The following PDE11A variants were observed in gnomAD, a reference collection of about 807,000 sequenced individuals.
PDE11A encodes the protein phosphodiesterase 11A.
PDE11A carries 100 observed loss-of-function variants against 100.5 expected under a neutral mutation model. The observed-to-expected ratio is 1.00, with a 90% CI of 0.85 to 1.18. The LOEUF is 1.18. PDE11A is among the 50% of genes most tolerant of loss of function. The pLI, the probability that PDE11A is intolerant of heterozygous loss-of-function variation, is 0.00. For missense variants in PDE11A, 1,141 were observed against 1,152.6 expected (o/e 0.99, Z 0.15); for synonymous variants, 381 against 420.8 (o/e 0.91, Z 1.16).
At chr2:177,870,096 C>CAA (rs2084104628) in intron 5 of PDE11A, among the ~76,000 whole-genome samples, 1 of 152,164 alleles carries the variant, frequency 6.6e-6, no homozygotes, top group Non-Finnish European at 1.5e-5. Flanking sequence ...CTCCTGCCTT[C>CAA]AGTTGCATAA....
chr2:177,823,834 C>T (rs772240259), intron 6 of PDE11A, among the ~76,000 whole-genome samples: 1 of 152,112 alleles, frequency 6.6e-6, no homozygotes, highest in Non-Finnish European at 1.5e-5. Flanking sequence ...ATTGTACAGA[C>T]CATTGGGTTT....
In PDE11A at chr2:177,898,156, C is replaced by G; in HGVS notation, c.1204G>C (p.Asp402His). Residue 402 changes from aspartate to histidine, a missense_variant, in exon 4 of 20, where the codon GAC (aspartate) becomes CAC (histidine). Asp to His is a moderately conservative substitution (Grantham distance 81). Transcript: ENST00000286063. ...ATTTTCTTGACAATTTTCTCCAGGT[C>G]AGTCTGTTCTTCAAAGAGGTCATTA... ...VVNDLFEEQT[D>H]LEKIVKKIMH... 6.2e-7 allele frequency: 1 copy of G among 1,609,194 alleles called. No homozygotes were observed. The highest frequency in any genetic ancestry group is 8.5e-7 in the Non-Finnish European group (1 of 1,175,546).
chr2:177,943,468 C>A (rs1350770454), intron 2 of PDE11A, among the ~76,000 whole-genome samples: 1 of 152,114 alleles, frequency 6.6e-6, no homozygotes, highest in Non-Finnish European at 1.5e-5. Context: ...ATTTTCATTC[C>A]TTTAATGATA....
At chr2:177,659,790 T>C (rs79798374) in intron 19 of PDE11A, among the ~76,000 whole-genome samples, 98,049 of 145,616 alleles carry the variant, frequency 0.67, 33,912 homozygotes, top group Admixed American at 0.77. Flanking sequence ...CTTTTTTTTT[T>C]TCCCCCTCCA....
intron 10 of PDE11A, among the ~76,000 whole-genome samples, chr2:177,765,945 A>G (rs2082232856): frequency 6.6e-6 from 1 of 152,224 alleles, no homozygotes; most frequent in Non-Finnish European, 1.5e-5. Context: ...TTACGTATGT[A>G]AAATTTGACC....
intron 1 of PDE11A, among the ~76,000 whole-genome samples, chr2:178,035,781 T>TGATTATCTCAATA (rs2086606110): frequency 6.6e-6 from 1 of 152,128 alleles, no homozygotes; most frequent in South Asian, 2.1e-4. Context: ...AAAAACCACA[T>TGATTATCTCAATA]GATTATCTCA....
intron 16 of PDE11A, among the ~76,000 whole-genome samples, chr2:177,676,418 C>T (rs1239857296): frequency 6.6e-6 from 1 of 152,200 alleles, no homozygotes; most frequent in Non-Finnish European, 1.5e-5. Context: ...GGGTATGCAA[C>T]CAAAGGTCAG....
rs1402208985 is a variant in PDE11A at position 177,623,615 on chromosome 2, TCTAAA to T, written c.*5787_*5791del. 6.6e-6 allele frequency: 1 copy of T among 152,224 alleles called. No homozygotes were observed. Among genetic ancestry groups the T allele is most frequent in the Admixed American group, 6.5e-5 (1 of 15,290 alleles). The allele number at this position is 152,224 out of a possible 1,614,324, so 9.4% of individuals were successfully genotyped here. ...AAAATTTCATCTAAATATGTCTTAA[TCTAAA>T]CTAGAGTAAAAGAAAAATTGAGATT... is the stretch of plus-strand genomic sequence containing the variant. On this transcript the variant is annotated 3_prime_UTR_variant, in exon 20 of 20. Transcript: ENST00000286063.
At chr2:178,018,423 TG>T in intron 1 of PDE11A, 3 of 513,918 alleles carry the variant, frequency 5.8e-6, no homozygotes, top group South Asian at 2.9e-5. Context: ...ACTATCATGA[TG>T]GGGGCATCTG....
Position 177,624,535 on chromosome 2 carries a change from G to T in PDE11A, c.*4872C>A, listed in dbSNP as rs1327030808. 1 of 152,068 alleles carries T rather than the reference G, an allele frequency of 6.6e-6. No homozygotes were observed. The highest frequency in any genetic ancestry group is 6.5e-5 in the Admixed American group (1 of 15,270). 9.4% of individuals were successfully genotyped at this position (152,068 alleles called of 1,614,324 possible). A position where few individuals can be genotyped will look rare whatever the true frequency, so the allele number is the denominator to read the frequency against. ...ACACAGAAAAAGCAACTGGATTCTG[G>T]CAGCATTAATATTAGATAATATTGT... On this transcript the variant is annotated 3_prime_UTR_variant, in exon 20 of 20. Transcript: ENST00000286063.
chr2:177,794,563 A>G (rs75101610), intron 9 of PDE11A, among the ~76,000 whole-genome samples: 2,844 of 152,230 alleles, frequency 0.019, 54 homozygotes, highest in South Asian at 0.048. Flanking sequence ...CCTCCTTTTC[A>G]AAGAGATAAA....
intron 15 of PDE11A, among the ~76,000 whole-genome samples, chr2:177,682,417 T>C (rs2080879279): frequency 1.3e-5 from 2 of 152,236 alleles, no homozygotes; most frequent in African/African-American, 4.8e-5. Flanking sequence ...CTCAGCAAAA[T>C]AAACTTCTAA....
chr2:177,880,902 C>T (rs2084322038), intron 4 of PDE11A, among the ~76,000 whole-genome samples: 2 of 152,184 alleles, frequency 1.3e-5, no homozygotes, highest in East Asian at 3.8e-4. Flanking sequence ...CCTTTTAAGA[C>T]TTAACATTTG....
intron 1 of PDE11A, among the ~76,000 whole-genome samples, chr2:178,106,640 A>G (rs2087620938): frequency 6.6e-6 from 1 of 152,164 alleles, no homozygotes; most frequent in Admixed American, 6.5e-5. Context: ...GATAATCTTT[A>G]TTTCCAATTT....
At chr2:178,007,758 G>A (rs2086228231) in intron 2 of PDE11A, among the ~76,000 whole-genome samples, 1 of 152,068 alleles carries the variant, frequency 6.6e-6, no homozygotes, top group African/African-American at 2.4e-5. Flanking sequence ...CGGCTGGAGT[G>A]CAATGGCAAG....
In PDE11A at chr2:177,853,680, A is replaced by ATGTG. The variant is rs1212022176; in HGVS notation, c.1368-13301_1368-13298dup. 2.4e-3 allele frequency among the ~76,000 whole-genome samples: 86 copies of ATGTG among 36,494 alleles called. 1 individual carries two copies. Among genetic ancestry groups the ATGTG allele is most frequent in the African/African-American group, 7.3e-3 (79 of 10,852 alleles). 23.9% of individuals were successfully genotyped at this position (36,494 alleles called of 152,430 possible). ...TATATATATATATATATATATATAT[A>ATGTG]TGTGTGTGTGTGTGTGTGTGTGTGT... is the stretch of plus-strand genomic sequence containing the variant. On this transcript the variant is annotated intron_variant, in intron 5 of 19. Transcript: ENST00000286063.
chr2:177,796,393 G>A (rs2105545690), intron 9 of PDE11A, among the ~76,000 whole-genome samples: 1 of 152,246 alleles, frequency 6.6e-6, no homozygotes, highest in African/African-American at 2.4e-5. Flanking sequence ...CAAGCCCATT[G>A]CCAGTACCTG....
intron 15 of PDE11A, among the ~76,000 whole-genome samples, chr2:177,685,641 A>G (rs570285036): frequency 6.6e-6 from 1 of 151,916 alleles, no homozygotes; most frequent in African/African-American, 2.4e-5. Context: ...CTGAGGCGCA[A>G]TCTGCCTCCT....
chr2:177,916,764 A>G (rs2084959029), intron 2 of PDE11A, among the ~76,000 whole-genome samples: 1 of 150,242 alleles, frequency 6.7e-6, no homozygotes, highest in Non-Finnish European at 1.5e-5. Context: ...TATTTTAATT[A>G]TTTGTTTATT....
Sources: allele counts gnomAD v4.1 joint callset (sites outside exome capture counted in the v4.1 genomes callset), GRCh38; gene constraint gnomAD v4.1.1; transcripts MANE v1.5; gene names NCBI Gene and HGNC (gene_info 2026-07-23, HGNC 2026-07-21).